LY96: variants seen among roughly 807,000 people sequenced by gnomAD.
LY96 encodes the protein myeloid differentiation protein-2.
A neutral mutation model predicts 18.9 loss-of-function variants in LY96; 18 were observed. The ratio of observed to expected loss-of-function variants is 0.95; its 90% confidence interval spans 0.66 to 1.41. The LOEUF is 1.41. LY96 is among the 40% of genes most tolerant of loss of function. LY96 has a pLI of 0.00. For synonymous variants in LY96, 66 were observed against 62.6 expected (o/e 1.06, Z -0.26); for missense variants, 175 against 182.4 (o/e 0.96, Z 0.23).
the LY96 span, among the ~76,000 whole-genome samples, chr8:74,039,405 G>C: frequency 2.0e-5 from 3 of 152,094 alleles, no homozygotes; most frequent in African/African-American, 4.8e-5. Flanking sequence ...GGGGGTTAAT[G>C]GGTGTTCTCC....
Position 73,991,521 on chromosome 8 carries a change from T to A in LY96, c.79T>A (p.Ser27Thr), listed in dbSNP as rs1816003190. 1 of 1,611,790 alleles carries A rather than the reference T, an allele frequency of 6.2e-7. No homozygotes were observed. The highest frequency in any genetic ancestry group is 8.5e-7 in the Non-Finnish European group (1 of 1,177,948). ...TCAGAAGCAGTATTGGGTCTGCAAC[T>A]CATCCGATGCAAGTATTTCATACAC... is the stretch of plus-strand genomic sequence containing the variant. ...EAQKQYWVCNSSDASISYTYC... is the reference protein window; with the variant it reads ...EAQKQYWVCNTSDASISYTYC... Residue 27 changes from serine to threonine, a missense_variant, in exon 1 of 5, where the codon TCA becomes ACA. Physicochemically the swap from Ser to Thr is moderately conservative, Grantham distance 58 (BLOSUM62 1). Coordinates refer to ENST00000284818, the MANE Select transcript of LY96 (RefSeq NM_015364.5).
the LY96 span, among the ~76,000 whole-genome samples, chr8:74,054,624 CTTTCT>C: frequency 1.1e-3 from 94 of 89,178 alleles, no homozygotes; most frequent in East Asian, 1.9e-3. Context: ...TTCCTTCTTT[CTTTCT>C]TTCTTTCTTT....
the LY96 span, among the ~76,000 whole-genome samples, chr8:74,047,099 A>G: frequency 6.6e-6 from 1 of 151,938 alleles, no homozygotes; most frequent in African/African-American, 2.4e-5. Context: ...ACGGGGTTTC[A>G]CCATGTTGGC....
At chr8:74,080,600 T>C in the LY96 span, among the ~76,000 whole-genome samples, 143 of 152,326 alleles carry the variant, frequency 9.4e-4, no homozygotes, top group African/African-American at 3.0e-3. Context: ...CCACTGTCAG[T>C]TTGTCACAGG....
chr8:74,022,021 G>A lies in LY96; in HGVS notation c.332-4768G>A, dbSNP rs183365413. Among the ~76,000 whole-genome samples the A allele has an allele frequency of 3.7e-3, 556 of 152,062 alleles. 2 individuals are homozygous for A. Among genetic ancestry groups the A allele is most frequent in the African/African-American group, 0.013 (535 of 41,462 alleles). ...ACCAACATGGCACATGTATACATATGTAAGAAATCTGCACATTGTGCACAT... is the reference window on the plus strand; with the variant it reads ...ACCAACATGGCACATGTATACATATATAAGAAATCTGCACATTGTGCACAT... On this transcript the variant is annotated intron_variant, in intron 3 of 4. Transcript: ENST00000284818.
At chr8:74,059,718 A>G in the LY96 span, among the ~76,000 whole-genome samples, 1 of 152,376 alleles carries the variant, frequency 6.6e-6, no homozygotes, top group Non-Finnish European at 1.5e-5. Context: ...CAAAACTATT[A>G]TAAGAAAATC....
chr8:74,000,159 G>C (rs1816233944), intron 1 of LY96, among the ~76,000 whole-genome samples: 1 of 152,176 alleles, frequency 6.6e-6, no homozygotes, highest in African/African-American at 2.4e-5. Context: ...TGATGTAGAA[G>C]AACACTTGGC....
the LY96 span, among the ~76,000 whole-genome samples, chr8:74,039,148 T>C: frequency 6.6e-6 from 1 of 152,256 alleles, no homozygotes; most frequent in Non-Finnish European, 1.5e-5. Flanking sequence ...CCTTTTCATA[T>C]GGCCTGTTTA....
At chr8:74,095,612 C>T in the LY96 span, among the ~76,000 whole-genome samples, 2 of 152,210 alleles carry the variant, frequency 1.3e-5, no homozygotes, top group Non-Finnish European at 2.9e-5. Flanking sequence ...CCGACACAGT[C>T]GCTCACTCTC....
the LY96 span, among the ~76,000 whole-genome samples, chr8:74,068,297 G>T: frequency 6.6e-6 from 1 of 151,814 alleles, no homozygotes; most frequent in East Asian, 1.9e-4. Flanking sequence ...CATTCATGTT[G>T]TATGTATTGG....
At chr8:74,035,968 T>C in the LY96 span, among the ~76,000 whole-genome samples, 2 of 152,222 alleles carry the variant, frequency 1.3e-5, no homozygotes, top group Non-Finnish European at 2.9e-5. Context: ...AGCTGTATCC[T>C]GATTACCTAG....
downstream of LY96, among the ~76,000 whole-genome samples, chr8:74,029,774 G>A (rs1016093253): frequency 2.0e-5 from 3 of 151,952 alleles, no homozygotes; most frequent in Non-Finnish European, 4.4e-5. Flanking sequence ...ATTCTCCTGC[G>A]TCAGCCTCCC....
the LY96 span, among the ~76,000 whole-genome samples, chr8:74,074,774 C>T: frequency 1.1e-4 from 17 of 152,252 alleles, no homozygotes; most frequent in South Asian, 3.5e-3. Flanking sequence ...TTTCTAATTT[C>T]CATGTGTTTG....
intron 3 of LY96, among the ~76,000 whole-genome samples, chr8:74,010,503 A>AT (rs776787245): frequency 6.6e-6 from 1 of 151,878 alleles, no homozygotes; most frequent in Non-Finnish European, 1.5e-5. Flanking sequence ...ATAAAAATGA[A>AT]TAAAAAAAAG....
At chr8:74,075,029 T>C in the LY96 span, among the ~76,000 whole-genome samples, 1 of 152,178 alleles carries the variant, frequency 6.6e-6, no homozygotes. Context: ...TTAAGTCTAA[T>C]GTTTCTGTGT....
At chr8:74,028,727 C>T (rs889383926) in intron 4 of LY96, among the ~76,000 whole-genome samples, 9 of 152,164 alleles carry the variant, frequency 5.9e-5, no homozygotes, top group African/African-American at 2.2e-4. Context: ...TCTAATATTT[C>T]AAAACCTCTT....
chr8:74,010,205 G>A, intron 3 of LY96, 76 bp downstream of exon 3: 2 of 1,368,346 alleles, frequency 1.5e-6, no homozygotes, highest in Non-Finnish European at 1.0e-6. Flanking sequence ...TAAATACATT[G>A]AAAATGGGAA....
the LY96 span, among the ~76,000 whole-genome samples, chr8:74,072,978 T>C: frequency 6.6e-6 from 1 of 152,206 alleles, no homozygotes; most frequent in Non-Finnish European, 1.5e-5. Context: ...GTGGTCTCTG[T>C]AAGGCTGTTA....
At chr8:74,002,978 T>C (rs184421355) in intron 1 of LY96, among the ~76,000 whole-genome samples, 8 of 152,352 alleles carry the variant, frequency 5.3e-5, no homozygotes, top group Admixed American at 1.3e-4. Context: ...TGAGCATCTT[T>C]ATGGAGGTAT....
Sources: allele counts gnomAD v4.1 joint callset (sites outside exome capture counted in the v4.1 genomes callset), GRCh38; gene constraint gnomAD v4.1.1; transcripts MANE v1.5; gene names NCBI Gene and HGNC (gene_info 2026-07-23, HGNC 2026-07-21).